CA9: variants seen among roughly 807,000 people sequenced by gnomAD.
The protein encoded by CA9 is carbonic anhydrase 9.
CA9 carries 43 observed loss-of-function variants against 51.8 expected under a neutral mutation model. The ratio of observed to expected loss-of-function variants is 0.83; its 90% CI spans 0.65 to 1.07. The LOEUF is 1.07. CA9 is among the 50% of genes least tolerant of loss of function. The pLI is 0.00. For synonymous variants in CA9, 253 were observed against 244.2 expected (o/e 1.04, Z -0.34); for missense variants, 574 against 581.4 (o/e 0.99, Z 0.13).
chr9:35,677,698 G>C (rs1824451805), intron 5 of CA9, 92 bp from the exon 6 acceptor site: 1 of 930,228 alleles, frequency 1.1e-6, no homozygotes, highest in African/African-American at 1.7e-5. Context: ...CTGAGGAATG[G>C]GAGAGGTCTA....
At chr9:35,677,921 T>G in intron 6 of CA9, 65 bp downstream of exon 6, 1 of 1,415,386 alleles carries the variant, frequency 7.1e-7, no homozygotes, top group Non-Finnish European at 1.0e-6. Context: ...CCTTTGGAGC[T>G]TCAGGTCTGA....
At chr9:35,676,023 C>G in intron 3 of CA9, 41 bp from the exon 4 acceptor site, 1 of 1,608,714 alleles carries the variant, frequency 6.2e-7, no homozygotes, top group South Asian at 1.1e-5. Context: ...TTGGGCTGGC[C>G]CTACCGGGCG....
rs369623022 is a variant in CA9 at position 35,676,219 on chromosome 9, C to T, written c.747+13C>T. ...TTTCCCTGCCGAGGTGAGCGCGGAG[C>T]TGGCCGAGAAGGGGCAAAGGAGCGG... On this transcript the variant is annotated intron_variant, in intron 4 of 10. Transcript: ENST00000378357. The T allele has an allele frequency of 6.2e-7, 1 of 1,612,050 alleles. No homozygotes were observed. Among genetic ancestry groups the T allele is most frequent in the Non-Finnish European group, 8.5e-7 (1 of 1,178,992 alleles).
At chr9:35,675,612 T>C in intron 2 of CA9, 45 bp downstream of exon 2, 1 of 1,610,538 alleles carries the variant, frequency 6.2e-7, no homozygotes, top group Non-Finnish European at 8.5e-7. Flanking sequence ...GGAACCCAGC[T>C]CTGTGGATCT....
chr9:35,676,032 C>T (rs1421991655), intron 3 of CA9, 32 bp from the exon 4 acceptor site: 2 of 1,609,668 alleles, frequency 1.2e-6, no homozygotes, highest in South Asian at 1.1e-5. Context: ...CCCTACCGGG[C>T]GGGGCCGGCT....
rs777976736 is a variant in CA9, at chr9:35,675,845, T to TCTGCCCGGCCCTGCGCCCC, written c.522_540dup (p.Glu181ProfsTer89). The stretch of plus-strand genomic sequence containing the variant: ...GATATCCGCCCCCAGCTCGCCGCCT[T>TCTGCCCGGCCCTGCGCCCC]CTGCCCGGCCCTGCGCCCCCTGGAA... On this transcript the variant is annotated frameshift_variant, in exon 3 of 11. Coordinates refer to ENST00000378357, the MANE Select transcript of CA9 (RefSeq NM_001216.3). LOFTEE classifies it high-confidence loss of function. 1 of 1,604,748 alleles carries TCTGCCCGGCCCTGCGCCCC rather than the reference T, an allele frequency of 6.2e-7. No individual in the cohort carries two copies. Among genetic ancestry groups the TCTGCCCGGCCCTGCGCCCC allele is most frequent in the Admixed American group, 1.7e-5 (1 of 59,912 alleles).
At chr9:35,674,835 G>A (rs1313128320) in intron 1 of CA9, 1 of 160,388 alleles carries the variant, frequency 6.2e-6, no homozygotes, top group African/African-American at 2.4e-5. Context: ...ACAGCAGGTA[G>A]AGAAACGTGG....
At chr9:35,676,029 G>A (rs894416897) in intron 3 of CA9, 35 bp from the exon 4 acceptor site, 1 of 1,609,592 alleles carries the variant, frequency 6.2e-7, no homozygotes, top group Non-Finnish European at 8.5e-7. Flanking sequence ...TGGCCCTACC[G>A]GGCGGGGCCG....
At chr9:35,678,072 C>T (rs939338212) in intron 6 of CA9, among the ~76,000 whole-genome samples, 6 of 152,072 alleles carry the variant, frequency 3.9e-5, no homozygotes, top group African/African-American at 1.4e-4. Flanking sequence ...AACCGCCGGG[C>T]ACGGTGGCTC....
chr9:35,680,502 G>A (rs539294553), intron 9 of CA9, among the ~76,000 whole-genome samples: 1 of 152,294 alleles, frequency 6.6e-6, no homozygotes, highest in South Asian at 2.1e-4. Context: ...CACTGGGACT[G>A]TAGGCATGAG....
At chr9:35,677,999 A>C (rs1824457402) in intron 6 of CA9, 143 bp downstream of exon 6, 2 of 699,254 alleles carry the variant, frequency 2.9e-6, no homozygotes, top group Admixed American at 2.4e-5. Context: ...CTTGATAATA[A>C]CCATGAAGCT....
At chr9:35,679,671 T>C (rs764267787) in intron 7 of CA9, among the ~76,000 whole-genome samples, 183 bp from the exon 8 acceptor site, 11 of 152,202 alleles carry the variant, frequency 7.2e-5, no homozygotes, top group Middle Eastern at 3.2e-3. Flanking sequence ...CAGTGAGCTA[T>C]GATCCCACCA....
In CA9 at chr9:35,675,535, C is replaced by T. The variant is rs756658075; in HGVS notation, c.404-3C>T. On this transcript the variant is annotated splice_region_variant and splice_polypyrimidine_tract_variant and intron_variant, in intron 1 of 10. Coordinates refer to ENST00000378357, the MANE Select transcript of CA9 (RefSeq NM_001216.3). ...GAGCGGTTCATCCTTTTCATTTATA[C>T]AGGGGATGACCAGAGTCATTGGCGC... 9 of 1,614,056 alleles carry T rather than the reference C, an allele frequency of 5.6e-6. No individual in the cohort carries two copies. Among genetic ancestry groups the T allele is most frequent in the Non-Finnish European group, 7.6e-6 (9 of 1,180,014 alleles).
Position 35,675,890 on chromosome 9 carries a change from C to A in CA9, c.563C>A (p.Pro188Gln). ...CTGGAACTCCTGGGCTTCCAGCTCC[C>A]GCCGCTCCCAGAACTGCGCCTGCGC... Reference protein sequence around the residue: ...RPLELLGFQLPPLPELRLRNN... With the variant: ...RPLELLGFQLQPLPELRLRNN... Residue 188 changes from proline to glutamine, a missense_variant, in exon 3 of 11, where the codon CCG (proline) becomes CAG (glutamine). Transcript: ENST00000378357. 6.2e-7 allele frequency: 1 copy of A among 1,608,632 alleles called. No individual in the cohort carries two copies.
intron 9 of CA9, 132 bp downstream of exon 9, chr9:35,680,271 G>A (rs1824513645): frequency 2.0e-6 from 2 of 993,486 alleles, no homozygotes; most frequent in Admixed American, 3.8e-5. Flanking sequence ...TATTAGAGAG[G>A]CAGATCATGG....
rs1014307620 is a variant in CA9 at position 35,679,430 on chromosome 9, G to C, written c.1065+88G>C. On this transcript the variant is annotated intron_variant, in intron 7 of 10. Transcript: ENST00000378357. ...GAAACAGGAGAAGAAAGAAATCAAG[G>C]CTGGGCTCTGTGGCTTACGCCTATA... 48 of 1,497,832 alleles carry C rather than the reference G, an allele frequency of 3.2e-5. No homozygotes were observed. In the Middle Eastern group the frequency reaches 9.6e-4, roughly 30 times the overall value. The allele number at this position is 1,497,832 out of a possible 1,614,324, so 92.8% of individuals were successfully genotyped here.
intron 6 of CA9, 118 bp from the exon 7 acceptor site, chr9:35,679,067 A>G: frequency 9.3e-7 from 1 of 1,078,584 alleles, no homozygotes; most frequent in Non-Finnish European, 1.4e-6. Flanking sequence ...CACTTAGCGA[A>G]GAAGTGGTCT....
At chr9:35,674,546 A>C in intron 1 of CA9, 184 bp downstream of exon 1, 1 of 579,460 alleles carries the variant, frequency 1.7e-6, no homozygotes, top group Non-Finnish European at 3.0e-6. Flanking sequence ...ACAGATGTGG[A>C]GAGAAAATAA....
Position 35,675,867 on chromosome 9 carries a change from G to A in CA9, c.540G>A (p.Leu180=), listed in dbSNP as rs1824409151. The A allele has an allele frequency of 6.2e-7, 1 of 1,606,164 alleles. No individual in the cohort carries two copies. Residue 180 remains leucine (L), a synonymous_variant, in exon 3 of 11, where the codon CTG becomes CTA. Coordinates refer to ENST00000378357, the MANE Select transcript of CA9 (RefSeq NM_001216.3). The part of the protein sequence containing the change: ...LAAFCPALRP[L]ELLGFQLPPL... ...CCTTCTGCCCGGCCCTGCGCCCCCT[G>A]GAACTCCTGGGCTTCCAGCTCCCGC...
Sources: allele counts gnomAD v4.1 joint callset (sites outside exome capture counted in the v4.1 genomes callset), GRCh38; gene constraint gnomAD v4.1.1; transcripts MANE v1.5; gene names NCBI Gene and HGNC (gene_info 2026-07-23, HGNC 2026-07-21).